The following ADGRA1 variants were observed in gnomAD, a reference collection of about 807,000 sequenced individuals.
ADGRA1 encodes G-protein coupled receptor 123.
ADGRA1 carries 12 observed loss-of-function variants against 21.3 expected under a neutral mutation model. That is an observed-to-expected ratio of 0.56 (90% CI 0.36 to 0.91). The LOEUF is 0.91. Ranked by LOEUF, ADGRA1 falls within the 40% of genes least tolerant of loss-of-function variation. ADGRA1 has a pLI of 0.01. For missense variants in ADGRA1, 790 were observed against 805.6 expected, an observed-to-expected ratio of 0.98 and a Z score of 0.23; for synonymous variants, 385 against 368.8, an observed-to-expected ratio of 1.04 and a Z score of -0.50.
At chr10:133,112,233 A>G (rs1243476143) in intron 5 of ADGRA1, among the ~76,000 whole-genome samples, 1 of 152,258 alleles carries the variant, frequency 6.6e-6, no homozygotes, top group Admixed American at 6.5e-5. Flanking sequence ...TTTAGCCATG[A>G]ATAATGACAT....
chr10:133,088,871 C>T lies in ADGRA1; in HGVS notation c.-39C>T, dbSNP rs552020025. 68 of 1,238,240 alleles carry T rather than the reference C, an allele frequency of 5.5e-5. No individual in the cohort carries two copies. The African/African-American group carries it at 9.9e-4, about 18-fold the overall frequency. 76.7% of individuals were successfully genotyped at this position (1,238,240 alleles called of 1,614,324 possible). A position where few individuals can be genotyped will look rare whatever the true frequency, so the allele number is the denominator to read the frequency against. On this transcript the variant is annotated 5_prime_UTR_variant, in exon 2 of 7. Coordinates refer to ENST00000392607, the MANE Select transcript of ADGRA1 (RefSeq NM_001083909.3). ...CTGATCGCCTCCCCCTGGACGCCTC[C>T]TCCAGCGGCGCTCACGCTTCCGCAA... is the stretch of plus-strand genomic sequence containing the variant.
intron 2 of ADGRA1, 38 bp downstream of exon 2, chr10:133,088,950 C>T (rs368548975): frequency 1.6e-6 from 2 of 1,238,658 alleles, no homozygotes; most frequent in African/African-American, 1.5e-5. Flanking sequence ...CAGCTGGGGG[C>T]TAGGCCGCTG....
chr10:133,128,543 G>T lies in ADGRA1; in HGVS notation c.715G>T (p.Asp239Tyr). 1 of 1,551,068 alleles carries T rather than the reference G, an allele frequency of 6.4e-7. No homozygotes were observed. The highest frequency in any genetic ancestry group is 1.2e-5 in the South Asian group (1 of 85,056). Residue 239 changes from aspartate to tyrosine, a missense_variant, in exon 7 of 7, where the codon GAT becomes TAT. Transcript: ENST00000392607. Reference protein sequence around the residue: ...GIRPGTPPAHDAPGASVLQNE... With the variant: ...GIRPGTPPAHYAPGASVLQNE... ...CCGGCCAGGCACCCCACCCGCACAC[G>T]ATGCCCCCGGCGCCTCCGTGCTGCA...
intron 5 of ADGRA1, among the ~76,000 whole-genome samples, chr10:133,119,375 C>G (rs1196195491): frequency 6.6e-6 from 1 of 152,156 alleles, no homozygotes; most frequent in Non-Finnish European, 1.5e-5. Flanking sequence ...TGGCAGAAGG[C>G]TGGGGCGGCT....
rs532497501 is a variant in ADGRA1, at chr10:133,099,377, T to A, written c.255+614T>A. On this transcript the variant is annotated intron_variant, in intron 4 of 6. Transcript: ENST00000392607. ...GAACCTGCAGATGCTGCCGCCTGAGTCACCAGGAGGGCAAGCTCGTCCTTT... is the reference window on the plus strand; with the variant it reads ...GAACCTGCAGATGCTGCCGCCTGAGACACCAGGAGGGCAAGCTCGTCCTTT... Among the ~76,000 whole-genome samples, 105 of 152,032 alleles carry A rather than the reference T, an allele frequency of 6.9e-4. 1 individual carries two copies. The highest frequency in any genetic ancestry group is 6.8e-3 in the Middle Eastern group (2 of 294).
chr10:133,110,619 A>G (rs1851971168), intron 5 of ADGRA1, among the ~76,000 whole-genome samples: 1 of 152,254 alleles, frequency 6.6e-6, no homozygotes, highest in African/African-American at 2.4e-5. Flanking sequence ...AGCCTGAGAG[A>G]GAGAGAGTCG....
intron 4 of ADGRA1, among the ~76,000 whole-genome samples, chr10:133,101,439 A>T (rs1851793088): frequency 6.6e-6 from 1 of 152,164 alleles, no homozygotes; most frequent in Non-Finnish European, 1.5e-5. Flanking sequence ...GCACCGTGGG[A>T]CGCTGGTGGC....
Position 133,088,116 on chromosome 10 carries a change from G to C in ADGRA1, c.-225G>C. 1 of 985,020 alleles carries C rather than the reference G, an allele frequency of 1.0e-6. No individual in the cohort carries two copies. The highest frequency in any genetic ancestry group is 1.7e-5 in the African/African-American group (1 of 57,316). 61.0% of individuals were successfully genotyped at this position (985,020 alleles called of 1,614,324 possible). A position where few individuals can be genotyped will look rare whatever the true frequency, so the allele number is the denominator to read the frequency against. On this transcript the variant is annotated 5_prime_UTR_variant, in exon 1 of 7. Transcript: ENST00000392607. The stretch of plus-strand genomic sequence containing the variant: ...TCCGGGAGCGCGGCCCGGCCGCCCC[G>C]GCAGCCGCTTCGGCCACAGCAGGTG...
Position 133,088,021 on chromosome 10 carries a change from G to C in ADGRA1, c.-320G>C, listed in dbSNP as rs1232039538. 1.0e-5 allele frequency: 10 copies of C among 984,936 alleles called. No homozygotes were observed. Among genetic ancestry groups the C allele is most frequent in the Non-Finnish European group, 1.2e-5 (10 of 829,820 alleles). The allele number at this position is 984,936 out of a possible 1,614,324, so 61.0% of individuals were successfully genotyped here. A position where few individuals can be genotyped will look rare whatever the true frequency, so the allele number is the denominator to read the frequency against. Reference sequence around the variant, plus strand: ...AGCCCCGCAATCTGTTGATAACTCGGTCCCAGCTCGGCCGCTGCCCTCGCG... The same window carrying C: ...AGCCCCGCAATCTGTTGATAACTCGCTCCCAGCTCGGCCGCTGCCCTCGCG... On this transcript the variant is annotated 5_prime_UTR_variant, in exon 1 of 7. Transcript: ENST00000392607.
chr10:133,096,900 G>A (rs1851698723), intron 2 of ADGRA1, 74 bp from the exon 3 acceptor site: 3 of 1,537,218 alleles, frequency 2.0e-6, no homozygotes, highest in Non-Finnish European at 2.7e-6. Flanking sequence ...AGCCCCAAGG[G>A]TAGGCTCAGG....
chr10:133,129,422 A>G lies in ADGRA1; in HGVS notation c.1594A>G (p.Lys532Glu). 1.2e-6 allele frequency: 2 copies of G among 1,605,300 alleles called. No individual in the cohort carries two copies. The highest frequency in any genetic ancestry group is 1.7e-6 in the Non-Finnish European group (2 of 1,179,818). The part of the protein sequence containing the change: ...FGGPSQNGLP[K>E]GKLLEGLPFG... ...TGGCCCCAGCCAGAACGGGCTGCCC[A>G]AGGGTAAATTGCTAGAAGGCCTGCC... The change falls in exon 7 of 7, where the codon AAG (lysine) becomes GAG (glutamate). Residue 532 changes from lysine to glutamate, a missense_variant. Lys to Glu is a moderately conservative substitution (Grantham distance 56). Coordinates refer to ENST00000392607, the MANE Select transcript of ADGRA1 (RefSeq NM_001083909.3).
rs1249535047 is a variant in ADGRA1 at position 133,128,752 on chromosome 10, C to A, written c.924C>A (p.Ala308=). The A allele has an allele frequency of 1.2e-6, 2 of 1,611,988 alleles. No individual in the cohort carries two copies. The highest frequency in any genetic ancestry group is 3.3e-5 in the Admixed American group (2 of 59,982). Residue 308 remains alanine, a synonymous_variant, in exon 7 of 7, where the codon GCC becomes GCA. Coordinates refer to ENST00000392607, the MANE Select transcript of ADGRA1 (RefSeq NM_001083909.3). ...TCTTCGTGCTCATCCACCACTGCGC[C>A]AAGCGTGAGGACGTGTGGCAGTGCT... ...LGLFVLIHHC[A]KREDVWQCWW...
chr10:133,089,945 G>C (rs1166692793), intron 2 of ADGRA1, among the ~76,000 whole-genome samples: 2 of 152,048 alleles, frequency 1.3e-5, no homozygotes, highest in African/African-American at 4.8e-5. Context: ...CTGCCCCCAG[G>C]CTCCCACCAG....
chr10:133,120,201 C>T (rs755017733), intron 5 of ADGRA1, among the ~76,000 whole-genome samples: 2 of 152,120 alleles, frequency 1.3e-5, no homozygotes, highest in Admixed American at 1.3e-4. Flanking sequence ...GTCAGGAGTT[C>T]GAGATGAGCC....
chr10:133,099,068 C>G (rs1031035871), intron 4 of ADGRA1, among the ~76,000 whole-genome samples: 1 of 152,018 alleles, frequency 6.6e-6, no homozygotes, highest in Non-Finnish European at 1.5e-5. Context: ...TGGGGGGACA[C>G]AGCCCGCCCC....
chr10:133,118,875 C>T (rs1040832078), intron 5 of ADGRA1, among the ~76,000 whole-genome samples: 2 of 151,250 alleles, frequency 1.3e-5, no homozygotes, highest in African/African-American at 4.9e-5. Flanking sequence ...ATCACACACA[C>T]ATGCACTCAT....
intron 2 of ADGRA1, among the ~76,000 whole-genome samples, chr10:133,095,256 C>T (rs1439803069): frequency 6.6e-6 from 1 of 152,160 alleles, no homozygotes. Context: ...GACAGAGGCC[C>T]ACCCAGCTCA....
rs1258956964 is a variant in ADGRA1 at position 133,102,725 on chromosome 10, T to TGTCCAC, written c.285_290dup (p.Ser96_Thr97dup). ...GGCATCGTGCTGCACTATTCTACAC[T>TGTCCAC]GTCCACCATGCTGTGGATAGGAGTG... On this transcript the variant is annotated inframe_insertion, in exon 5 of 7. Coordinates refer to ENST00000392607, the MANE Select transcript of ADGRA1 (RefSeq NM_001083909.3). 6.2e-7 allele frequency: 1 copy of TGTCCAC among 1,611,954 alleles called. No homozygotes were observed. Among genetic ancestry groups the TGTCCAC allele is most frequent in the Non-Finnish European group, 8.5e-7 (1 of 1,179,438 alleles).
At position 133,129,216 on chromosome 10, in the gene ADGRA1, C is replaced by T. The variant is rs1019430136; in HGVS notation, c.1388C>T (p.Pro463Leu). 1.3e-6 allele frequency: 2 copies of T among 1,549,932 alleles called. No homozygotes were observed. The highest frequency in any genetic ancestry group is 2.4e-5 in the East Asian group (1 of 40,916). Residue 463 changes from proline (P) to leucine (L), a missense_variant, in exon 7 of 7, where the codon CCG becomes CTG. Around this residue, in one of 3 missense-constraint regions of ADGRA1, gnomAD observed 391 missense variants for 351.5 expected, o/e 1.11. Coordinates refer to ENST00000392607, the MANE Select transcript of ADGRA1 (RefSeq NM_001083909.3). The stretch of plus-strand genomic sequence containing the variant: ...AGCCCCCCCAGCTCTCTGGATGGCC[C>T]GGCGGGGACACACACGCTGGCCTGC... ...TDSPPSSLDG[P>L]AGTHTLACCT...
Sources: allele counts gnomAD v4.1 joint callset (sites outside exome capture counted in the v4.1 genomes callset), GRCh38; gene constraint gnomAD v4.1.1; regional missense constraint gnomAD v4.1.1; transcripts MANE v1.5; gene names NCBI Gene and HGNC (gene_info 2026-07-23, HGNC 2026-07-21).